ITGAL: variants seen among roughly 807,000 people sequenced by gnomAD.
ITGAL encodes the protein integrin subunit alpha L.
A neutral mutation model predicts 138.4 loss-of-function variants in ITGAL; 68 were observed. The ratio of observed to expected loss-of-function variants is 0.49; its 90% CI spans 0.40 to 0.60. ITGAL has a LOEUF of 0.60. ITGAL is among the 20% of genes least tolerant of loss of function. The probability of loss-of-function intolerance (pLI) is 0.00; values close to 1 mark genes in which losing one functional copy is unlikely to be tolerated. For missense variants in ITGAL, 1,256 were observed against 1,478.6 expected (o/e 0.85, Z 2.47); for synonymous variants, 561 against 584.3 (o/e 0.96, Z 0.57).
chr16:30,510,053 A>AT (rs34761424), intron 21 of ITGAL, among the ~76,000 whole-genome samples: 1 of 150,062 alleles, frequency 6.7e-6, no homozygotes, highest in East Asian at 2.0e-4. Flanking sequence ...AAAAAAAAAA[A>AT]TTTTTTTTAA....
At chr16:30,505,104 A>T in intron 18 of ITGAL, 140 bp from the exon 19 acceptor site, 1 of 675,398 alleles carries the variant, frequency 1.5e-6, no homozygotes, top group Non-Finnish European at 2.3e-6. Context: ...GCAGCCCTGG[A>T]AAGGCAGCTG....
Position 30,475,596 on chromosome 16 carries a change from A to G in ITGAL, c.327+16A>G. Reference sequence around the variant, plus strand: ...AAGCATTTTGGTAAGAATTTTGTGCAGTGGTGTTATCAGAGCCTGTGAAGC... The same window carrying G: ...AAGCATTTTGGTAAGAATTTTGTGCGGTGGTGTTATCAGAGCCTGTGAAGC... On this transcript the variant is annotated intron_variant, in intron 4 of 30. Coordinates refer to ENST00000356798, the MANE Select transcript of ITGAL (RefSeq NM_002209.3). The G allele has an allele frequency of 6.3e-7, 1 of 1,596,580 alleles. No homozygotes were observed. The highest frequency in any genetic ancestry group is 8.6e-7 in the Non-Finnish European group (1 of 1,163,948).
chr16:30,494,273 T>C lies in ITGAL; in HGVS notation c.1275T>C (p.Pro425=). The C allele has an allele frequency of 6.2e-7, 1 of 1,613,292 alleles. No homozygotes were observed. The highest frequency in any genetic ancestry group is 1.1e-5 in the South Asian group (1 of 91,038). The change falls in exon 12 of 31, where the codon CCT becomes CCC. Residue 425 remains proline, a synonymous_variant. Transcript: ENST00000356798. The surrounding 1 kb of genome is among the most constrained non-coding windows in gnomAD (Gnocchi z 4.2). ...CTTCGTTGCTGGCCTCGGGAGCCCC[T>C]CGATACCAGCACATGGGCCGAGTGC... ...QKTSLLASGA[P]RYQHMGRVLL...
At chr16:30,482,646 C>T (rs758276140) in intron 7 of ITGAL, among the ~76,000 whole-genome samples, 70 of 152,060 alleles carry the variant, frequency 4.6e-4, no homozygotes, top group Non-Finnish European at 7.5e-4. Flanking sequence ...GAACAGGACC[C>T]GCAATAGGCC....
rs143606727 is a variant in ITGAL at position 30,516,010 on chromosome 16, A to G, written c.2863-963A>G. ...AATCCTGTCCATCTTTCACAGTCAA[A>G]TTCAAATACTGCCCCTGACATTTGG... On this transcript the variant is annotated intron_variant, in intron 25 of 30. Transcript: ENST00000356798. 7.3e-4 allele frequency among the ~76,000 whole-genome samples: 111 copies of G among 152,192 alleles called. 2 individuals are homozygous for G. In the East Asian group the frequency reaches 0.017, roughly 24 times the overall value.
intron 11 of ITGAL, among the ~76,000 whole-genome samples, chr16:30,490,707 A>G (rs1182834742): frequency 6.6e-6 from 1 of 151,872 alleles, no homozygotes; most frequent in Non-Finnish European, 1.5e-5. Flanking sequence ...AGGACTGGCC[A>G]CTCCTTTTTA....
intron 11 of ITGAL, 141 bp downstream of exon 11, chr16:30,489,527 T>A: frequency 1.3e-6 from 1 of 759,582 alleles, no homozygotes; most frequent in Non-Finnish European, 2.1e-6. Flanking sequence ...ATAACATTCA[T>A]AATTTATTGT....
At chr16:30,510,841 A>G (rs530985503) in intron 22 of ITGAL, 40 bp from the exon 23 acceptor site, 1 of 1,547,032 alleles carries the variant, frequency 6.5e-7, no homozygotes, top group South Asian at 1.1e-5. Flanking sequence ...GCTGCTCCTC[A>G]TGACCCTTCC....
intron 25 of ITGAL, among the ~76,000 whole-genome samples, chr16:30,516,232 A>T (rs1038262324): frequency 1.4e-4 from 20 of 144,050 alleles, no homozygotes; most frequent in Non-Finnish European, 2.4e-4. Flanking sequence ...GTGCTCAGAA[A>T]TTTTTTTTTT....
chr16:30,506,960 C>T (rs2051010455), intron 21 of ITGAL, 104 bp downstream of exon 21: 3 of 1,299,896 alleles, frequency 2.3e-6, no homozygotes, highest in East Asian at 4.7e-5. Context: ...TGGGCAGCTG[C>T]GGGTGGACAG....
In ITGAL at chr16:30,494,070, T is replaced by C. The variant is rs928396895; in HGVS notation, c.1214-142T>C. 1.6e-5 allele frequency: 11 copies of C among 671,924 alleles called. No homozygotes were observed. Among genetic ancestry groups the C allele is most frequent in the Middle Eastern group, 5.3e-4 (2 of 3,774 alleles). 41.6% of individuals were successfully genotyped at this position (671,924 alleles called of 1,614,324 possible). On this transcript the variant is annotated intron_variant, in intron 11 of 30. Transcript: ENST00000356798. The surrounding 1 kb of genome is among the most constrained non-coding windows in gnomAD (Gnocchi z 4.2). ...ATTTGTTTGGCTGGGAGCACATGGATGCTTTTCTCAGGAGAAGGTCTTCAG... is the reference window on the plus strand; with the variant it reads ...ATTTGTTTGGCTGGGAGCACATGGACGCTTTTCTCAGGAGAAGGTCTTCAG...
rs760071326 is a variant in ITGAL at position 30,479,153 on chromosome 16, C to T, written c.390C>T (p.Tyr130=). 9.9e-6 allele frequency: 16 copies of T among 1,613,986 alleles called. No homozygotes were observed. ...DQNTYLSGLC[Y]LFRQNLQGPM... ...ACACCTATCTGAGTGGCCTGTGTTA[C>T]CTCTTCCGCCAGAATCTGCAGGGTC... The change falls in exon 5 of 31, where the codon TAC becomes TAT. Residue 130 remains tyrosine, a synonymous_variant. Transcript: ENST00000356798.
chr16:30,507,141 G>A (rs982090212), intron 21 of ITGAL, among the ~76,000 whole-genome samples: 2 of 152,086 alleles, frequency 1.3e-5, no homozygotes, highest in African/African-American at 4.8e-5. Flanking sequence ...TGGCCAACAT[G>A]GTGAAACCCT....
chr16:30,479,838 G>A (rs1163946600), intron 6 of ITGAL, among the ~76,000 whole-genome samples: 8 of 152,030 alleles, frequency 5.3e-5, no homozygotes, highest in South Asian at 2.1e-4. Flanking sequence ...TTTTAGTAGA[G>A]ATGGTGTTTC....
chr16:30,494,995 G>A lies in ITGAL; in HGVS notation c.1503+145G>A. ...AGAGGCAATAGCAAATCCTCACTGG[G>A]GAAAGACTGTATGCAGGGTCCAGTG... On this transcript the variant is annotated intron_variant, in intron 13 of 30. Transcript: ENST00000356798. This position sits in a 1 kb window ranked among gnomAD's most constrained non-coding sequence, Gnocchi z 4.2. 1 of 815,160 alleles carries A rather than the reference G, an allele frequency of 1.2e-6. No homozygotes were observed. The highest frequency in any genetic ancestry group is 1.9e-6 in the Non-Finnish European group (1 of 531,422). The allele number at this position is 815,160 out of a possible 1,614,324, so 50.5% of individuals were successfully genotyped here. A position where few individuals can be genotyped will look rare whatever the true frequency, so the allele number is the denominator to read the frequency against.
At chr16:30,473,022 G>A in intron 1 of ITGAL, 124 bp downstream of exon 1, 1 of 814,362 alleles carries the variant, frequency 1.2e-6, no homozygotes, top group East Asian at 2.5e-5. Context: ...AGGGATATGG[G>A]GCCCAGGGAT....
At chr16:30,501,959 G>A (rs2151163540) in intron 17 of ITGAL, among the ~76,000 whole-genome samples, 1 of 152,212 alleles carries the variant, frequency 6.6e-6, no homozygotes, top group Admixed American at 6.6e-5. Context: ...CTTGAACCCA[G>A]GAGGTGGAGG....
intron 21 of ITGAL, among the ~76,000 whole-genome samples, chr16:30,508,819 A>G (rs2051044634): frequency 6.6e-6 from 1 of 151,888 alleles, no homozygotes; most frequent in Admixed American, 6.6e-5. Context: ...TGATTACAAC[A>G]TTGCCCTCCA....
At chr16:30,490,170 T>G (rs1411587188) in intron 11 of ITGAL, among the ~76,000 whole-genome samples, 2 of 134,176 alleles carry the variant, frequency 1.5e-5, no homozygotes, top group African/African-American at 5.7e-5. Context: ...GAGGTTGCAG[T>G]GAACTGAGGA....
Sources: gnomAD v4.1 joint callset for allele counts (sites outside exome capture counted in the v4.1 genomes callset) on GRCh38, gnomAD v4.1.1 for gene constraint, Gnocchi (gnomAD v3.1) non-coding constraint, MANE v1.5 for transcripts, NCBI Gene and HGNC (gene_info 2026-07-23, HGNC 2026-07-21) for gene names.